SCYL1: variants seen among roughly 807,000 people sequenced by gnomAD.
The protein encoded by SCYL1 is N-terminal kinase-like protein.
Under a neutral mutation model 94.8 loss-of-function variants are expected in SCYL1, and 85 were observed. The observed-to-expected ratio is 0.90, with a 90% confidence interval of 0.75 to 1.07. SCYL1 has a LOEUF of 1.07. Among genes scored for constraint, SCYL1 ranks in the 50% least tolerant of loss-of-function variants. The probability of loss-of-function intolerance (pLI) is 0.00; values close to 1 mark genes in which losing one functional copy is unlikely to be tolerated. For missense variants in SCYL1, 968 were observed against 1,083.3 expected (o/e 0.89, Z 1.49); for synonymous variants, 459 against 435.5 (o/e 1.05, Z -0.67).
intron 6 of SCYL1, among the ~76,000 whole-genome samples, chr11:65,530,073 C>A (rs1035555125): frequency 6.6e-6 from 1 of 152,142 alleles, no homozygotes; most frequent in African/African-American, 2.4e-5. Context: ...ACAGGCTGGT[C>A]CATTTTGGCT....
Position 65,526,900 on chromosome 11 carries a change from C to A in SCYL1, c.693+27C>A. 6.2e-7 allele frequency: 1 copy of A among 1,612,260 alleles called. No individual in the cohort carries two copies. Among genetic ancestry groups the A allele is most frequent in the Non-Finnish European group, 8.5e-7 (1 of 1,179,074 alleles). ...TAAGTTTCTTGCCCCTGGCTCTTTG[C>A]CCTGCCTCAGCCCCTCTGCCAGCTG... On this transcript the variant is annotated intron_variant, in intron 5 of 17. Transcript: ENST00000270176. This position sits in a 1 kb window ranked among gnomAD's most constrained non-coding sequence, Gnocchi z 4.1.
chr11:65,526,575 G>A lies in SCYL1; in HGVS notation c.603-208G>A, dbSNP rs988398459. Among the ~76,000 whole-genome samples, 14 of 152,188 alleles carry A rather than the reference G, an allele frequency of 9.2e-5. No homozygotes were observed. Among genetic ancestry groups the A allele is most frequent in the African/African-American group, 2.9e-4 (12 of 41,438 alleles). On this transcript the variant is annotated intron_variant, in intron 4 of 17. Transcript: ENST00000270176. The surrounding 1 kb of genome is among the most constrained non-coding windows in gnomAD (Gnocchi z 4.1). The stretch of plus-strand genomic sequence containing the variant: ...GGGTGATTCTGAACTTGAAAGCTCT[G>A]TGACCTGGACAGATGTGCCTAGTTC...
At chr11:65,525,544 A>G in intron 1 of SCYL1, 30 bp from the exon 2 acceptor site, 5 of 1,606,138 alleles carry the variant, frequency 3.1e-6, no homozygotes, top group Non-Finnish European at 4.2e-6. Context: ...CAGCTCTGGG[A>G]CCATCTCAGG....
intron 6 of SCYL1, among the ~76,000 whole-genome samples, chr11:65,527,731 C>CA (rs35335117): frequency 0.45 from 39,425 of 88,308 alleles, 7,871 homozygotes; most frequent in African/African-American, 0.56. Context: ...GACTTCGTCT[C>CA]AAAAAAAAAA....
chr11:65,532,083 T>C (rs1855401435), intron 8 of SCYL1, among the ~76,000 whole-genome samples: 1 of 152,108 alleles, frequency 6.6e-6, no homozygotes, highest in South Asian at 2.1e-4. Context: ...CTCGTGGCAC[T>C]GTGGGCAGGT....
At position 65,536,278 on chromosome 11, in the gene SCYL1, G is replaced by A. The variant is rs1229431510; in HGVS notation, c.1595G>A (p.Ser532Asn). 1 of 1,614,168 alleles carries A rather than the reference G, an allele frequency of 6.2e-7. No homozygotes were observed. ...CCACAGGCCTTCAAGGCCATTCGGA[G>A]CTTCCTGTCCAAATTGGAGTCTGTG... ...VRDQAFKAIRSFLSKLESVSE... is the reference protein window; with the variant it reads ...VRDQAFKAIRNFLSKLESVSE... Residue 532 changes from serine (S) to asparagine (N), a missense_variant, in exon 12 of 18, where the codon AGC becomes AAC. Ser to Asn is a conservative substitution (Grantham distance 46). This residue lies in a region of SCYL1 where 474 missense variants were observed against 463.6 expected (regional missense o/e 1.02). Transcript: ENST00000270176.
intron 8 of SCYL1, among the ~76,000 whole-genome samples, chr11:65,531,996 CAAGA>C (rs1855395634): frequency 6.6e-6 from 1 of 152,198 alleles, no homozygotes; most frequent in Non-Finnish European, 1.5e-5. Flanking sequence ...GAGCATCAGA[CAAGA>C]TGGATGGGAT....
Position 65,535,989 on chromosome 11 carries a change from G to A in SCYL1, c.1423G>A (p.Ala475Thr), listed in dbSNP as rs1855617150. The change falls in exon 11 of 18, where the codon GCC (alanine) becomes ACC (threonine). Residue 475 changes from alanine to threonine, a missense_variant. Around this residue, in one of 2 missense-constraint regions of SCYL1, gnomAD observed 474 missense variants for 463.6 expected, o/e 1.02. Coordinates refer to ENST00000270176, the MANE Select transcript of SCYL1 (RefSeq NM_020680.4). Reference protein sequence around the residue: ...HRVLTSAFSRATRDPFAPSRV... With the variant: ...HRVLTSAFSRTTRDPFAPSRV... The stretch of plus-strand genomic sequence containing the variant: ...GGTCCTTACCTCTGCCTTCAGCCGA[G>A]CCACTAGGGACCCGTTTGCACCGTC... 1.9e-6 allele frequency: 3 copies of A among 1,611,180 alleles called. No individual in the cohort carries two copies. The highest frequency in any genetic ancestry group is 1.3e-5 in the African/African-American group (1 of 74,820).
chr11:65,526,107 G>A lies in SCYL1; in HGVS notation c.376-17G>A, dbSNP rs1488725376. The A allele has an allele frequency of 8.7e-6, 14 of 1,612,250 alleles. No individual in the cohort carries two copies. Among genetic ancestry groups the A allele is most frequent in the Non-Finnish European group, 1.2e-5 (14 of 1,179,442 alleles). On this transcript the variant is annotated splice_polypyrimidine_tract_variant and intron_variant, in intron 3 of 17. Transcript: ENST00000270176. This position sits in a 1 kb window ranked among gnomAD's most constrained non-coding sequence, Gnocchi z 4.1. ...GGGTTGCAGGTGCTGGGGCGTGATG[G>A]CTCCTTTTGCCCCCAGAAAGCCCTC...
In SCYL1 at chr11:65,532,385, A is replaced by G. The variant is rs146719256; in HGVS notation, c.1117-307A>G. ...GGTTTCAGTGAGCTGAGATTGCGCC[A>G]CTGCACTCCAGCCTCGGTGACAGAG... On this transcript the variant is annotated intron_variant, in intron 8 of 17. Coordinates refer to ENST00000270176, the MANE Select transcript of SCYL1 (RefSeq NM_020680.4). Among the ~76,000 whole-genome samples, 503 of 149,700 alleles carry G rather than the reference A, an allele frequency of 3.4e-3. 2 individuals carry two copies. The highest frequency in any genetic ancestry group is 0.014 in the Middle Eastern group (4 of 288).
intron 13 of SCYL1, 47 bp from the exon 14 acceptor site, chr11:65,536,939 C>T (rs1855686678): frequency 6.5e-7 from 1 of 1,526,734 alleles, no homozygotes; most frequent in Admixed American, 1.7e-5. Context: ...CAGCCTCTGC[C>T]CTGTCCCAAG....
Position 65,526,041 on chromosome 11 carries a change from G to C in SCYL1, c.373G>C (p.Val125Leu), listed in dbSNP as rs78243061. 1 of 1,612,792 alleles carries C rather than the reference G, an allele frequency of 6.2e-7. No homozygotes were observed. The highest frequency in any genetic ancestry group is 1.3e-5 in the African/African-American group (1 of 74,914). ...LEISWGLHQIVKALSFLVNDC... is the reference protein window; with the variant it reads ...LEISWGLHQILKALSFLVNDC... Reference sequence around the variant, plus strand: ...GATCTCCTGGGGGCTACACCAGATCGTGGTGAGGTGGGGGGCAGTGGTGAT... The same window carrying C: ...GATCTCCTGGGGGCTACACCAGATCCTGGTGAGGTGGGGGGCAGTGGTGAT... Residue 125 changes from valine to leucine, a missense_variant and splice_region_variant, in exon 3 of 18, where the codon GTG becomes CTG. By Grantham distance (32) the Val-to-Leu change is conservative. This residue lies in a region of SCYL1 where 494 missense variants were observed against 619.7 expected (regional missense o/e 0.80). Transcript: ENST00000270176. This position sits in a 1 kb window ranked among gnomAD's most constrained non-coding sequence, Gnocchi z 4.1.
chr11:65,536,060 C>T lies in SCYL1; in HGVS notation c.1494C>T (p.Tyr498=), dbSNP rs1267640684. The T allele has an allele frequency of 1.2e-6, 2 of 1,614,234 alleles. No homozygotes were observed. Among genetic ancestry groups the T allele is most frequent in the Admixed American group, 1.7e-5 (1 of 60,022 alleles). Residue 498 remains tyrosine (Y), a synonymous_variant, in exon 11 of 18, where the codon TAC becomes TAT. Transcript: ENST00000270176. ...VLGFAATHNL[Y]SMNDCAQKIL... ...GCTTTGCTGCCACCCACAACCTCTA[C>T]TCAATGAACGACTGTGCCCAGAAGA...
Position 65,537,890 on chromosome 11 carries a change from G to A in SCYL1, c.2031+10G>A. The stretch of plus-strand genomic sequence containing the variant: ...GAGCCGTGCTAGTCAGGTGAGCTGG[G>A]TCTGGTGGGGAGGTGTGTGTATGGG... On this transcript the variant is annotated intron_variant, in intron 15 of 17. Transcript: ENST00000270176. The A allele has an allele frequency of 1.3e-6, 2 of 1,578,838 alleles. No individual in the cohort carries two copies. The highest frequency in any genetic ancestry group is 1.7e-6 in the Non-Finnish European group (2 of 1,162,240).
chr11:65,525,231 CG>C lies in SCYL1; in HGVS notation c.81del (p.Trp29GlyfsTer22). The C allele has an allele frequency of 6.9e-7, 1 of 1,455,734 alleles. No individual in the cohort carries two copies. The highest frequency in any genetic ancestry group is 9.1e-7 in the Non-Finnish European group (1 of 1,100,094). 90.2% of individuals were successfully genotyped at this position (1,455,734 alleles called of 1,614,324 possible). A position where few individuals can be genotyped will look rare whatever the true frequency, so the allele number is the denominator to read the frequency against. On this transcript the variant is annotated frameshift_variant, in exon 1 of 18. Transcript: ENST00000270176. LOFTEE classifies it high-confidence loss of function. The stretch of plus-strand genomic sequence containing the variant: ...CGGAGCCCCCAGAGGGCGGCCTGCC[CG>C]GGCCCTGGGCCCTGCACCGCGGCCG... ...IPEPPEGGLP[G>X]PWALHRGRKK...
rs1232724545 is a variant in SCYL1 at position 65,538,142 on chromosome 11, G to A, written c.2207G>A (p.Gly736Asp). Residue 736 changes from glycine to aspartate, a missense_variant, in exon 16 of 18, where the codon GGC becomes GAC. Coordinates refer to ENST00000270176, the MANE Select transcript of SCYL1 (RefSeq NM_020680.4). ...GGTGGCCCAGAGTCCAGCGACAAGG[G>A]CGACCCCTTCGCTACCCTGTCTGCA... is the stretch of plus-strand genomic sequence containing the variant. The part of the protein sequence containing the change: ...NWGGPESSDK[G>D]DPFATLSARP... 14 of 1,600,184 alleles carry A rather than the reference G, an allele frequency of 8.7e-6. No homozygotes were observed. The highest frequency in any genetic ancestry group is 1.2e-5 in the Non-Finnish European group (14 of 1,173,842).
intron 6 of SCYL1, 55 bp downstream of exon 6, chr11:65,527,172 C>A: frequency 6.3e-7 from 1 of 1,581,150 alleles, no homozygotes; most frequent in South Asian, 1.1e-5. Flanking sequence ...TCTGCCCCTA[C>A]CCTGCTTTTC....
intron 1 of SCYL1, 104 bp from the exon 2 acceptor site, chr11:65,525,470 A>G: frequency 7.2e-7 from 1 of 1,395,878 alleles, no homozygotes; most frequent in Non-Finnish European, 9.5e-7. Flanking sequence ...GGGCCCGGCG[A>G]AGTGTCCCTA....
In SCYL1 at chr11:65,526,239, A is replaced by G; in HGVS notation, c.491A>G (p.Tyr164Cys). Reference protein sequence around the residue: ...EWKLGGLDYMYSAQGNGGGPP... With the variant: ...EWKLGGLDYMCSAQGNGGGPP... ...AAGCTTGGGGGCCTGGACTACATGT[A>G]TTCGGCCCAGGGCAACGGTGGGGGA... The change falls in exon 4 of 18, where the codon TAT (tyrosine) becomes TGT (cysteine). Residue 164 changes from tyrosine (Y) to cysteine (C), a missense_variant. Physicochemically the swap from Tyr to Cys is radical, Grantham distance 194 (BLOSUM62 -2). Transcript: ENST00000270176. The surrounding 1 kb of genome is among the most constrained non-coding windows in gnomAD (Gnocchi z 4.1). The G allele has an allele frequency of 6.2e-7, 1 of 1,613,316 alleles. No homozygotes were observed. The highest frequency in any genetic ancestry group is 8.5e-7 in the Non-Finnish European group (1 of 1,179,992).
Sources: gnomAD v4.1 joint callset for allele counts (sites outside exome capture counted in the v4.1 genomes callset) on GRCh38, gnomAD v4.1.1 for gene constraint, gnomAD v4.1.1 regional missense constraint, Gnocchi (gnomAD v3.1) non-coding constraint, MANE v1.5 for transcripts, NCBI Gene and HGNC (gene_info 2026-07-23, HGNC 2026-07-21) for gene names.